The following AGAP1 variants were observed in gnomAD, a reference collection of about 807,000 sequenced individuals.
The protein encoded by AGAP1 is arf-GAP with GTPase, ANK repeat and PH domain-containing protein 1.
A neutral mutation model predicts 105.3 loss-of-function variants in AGAP1; 29 were observed. The ratio of observed to expected loss-of-function variants is 0.28; its 90% confidence interval spans 0.21 to 0.38. The LOEUF is 0.38. AGAP1 is among the 10% of genes least tolerant of loss of function. The probability of loss-of-function intolerance (pLI) is 1.00; values close to 1 mark genes in which losing one functional copy is unlikely to be tolerated. For missense variants in AGAP1, 998 were observed against 1,165.1 expected (o/e 0.86, Z 2.09); for synonymous variants, 509 against 485.9 (o/e 1.05, Z -0.63).
chr2:235,634,849 C>T (rs1946940836), intron 1 of AGAP1, among the ~76,000 whole-genome samples: 1 of 152,082 alleles, frequency 6.6e-6, no homozygotes, highest in Non-Finnish European at 1.5e-5. Context: ...ACGAAGGAGG[C>T]TCTGTTTTGT....
intron 1 of AGAP1, among the ~76,000 whole-genome samples, chr2:235,616,785 A>G (rs1329896387): frequency 6.6e-6 from 1 of 152,188 alleles, no homozygotes; most frequent in Non-Finnish European, 1.5e-5. Context: ...AATAGTGAAA[A>G]CAAAATTCTG....
rs2058747550 is a variant in AGAP1, at chr2:236,080,277, G to T, written c.2114+30996G>T. Among the ~76,000 whole-genome samples the T allele has an allele frequency of 6.6e-6, 1 of 152,242 alleles. No individual in the cohort carries two copies. The highest frequency in any genetic ancestry group is 6.5e-5 in the Admixed American group (1 of 15,288). ...CTGCTGGAAAGACACAGGGAAAGGA[G>T]AGAGAAGAATTGTTACCCGGCAAAG... On this transcript the variant is annotated intron_variant, in intron 16 of 17. Coordinates refer to ENST00000304032, the MANE Select transcript of AGAP1 (RefSeq NM_001037131.3). This position sits in a 1 kb window ranked among gnomAD's most constrained non-coding sequence, Gnocchi z 4.2.
intron 2 of AGAP1, among the ~76,000 whole-genome samples, chr2:235,709,849 GATGGAAGGAAGGGGCAAGTCTAACTTT>G (rs1341868177): frequency 6.6e-6 from 1 of 152,158 alleles, no homozygotes; most frequent in Non-Finnish European, 1.5e-5. Context: ...TCTACCGTAG[GATGGAAGGAAGGGGCAAGTCTAACTTT>G]GAAACAACCA....
chr2:235,814,304 A>G (rs1230226127), intron 9 of AGAP1, among the ~76,000 whole-genome samples: 3 of 152,220 alleles, frequency 2.0e-5, no homozygotes, highest in Admixed American at 1.3e-4. Flanking sequence ...TGTTTCAGCA[A>G]AATAGTGCTT....
At chr2:235,833,713 C>G (rs1435524197) in intron 9 of AGAP1, among the ~76,000 whole-genome samples, 1 of 152,050 alleles carries the variant, frequency 6.6e-6, no homozygotes, top group Non-Finnish European at 1.5e-5. Context: ...AGATATTTAT[C>G]AAATGGGATC....
rs746523053 is a variant in AGAP1 at position 235,930,852 on chromosome 2, G to A, written c.1412G>A (p.Arg471His). Residue 471 changes from arginine to histidine, a missense_variant, in exon 12 of 18, where the codon CGC (arginine) becomes CAC (histidine). By Grantham distance (29) the Arg-to-His change is conservative. Transcript: ENST00000304032. This position sits in a 1 kb window ranked among gnomAD's most constrained non-coding sequence, Gnocchi z 7.9. ...AGCCGACCCGACGGCATGCACCAGC[G>A]CTCCTACTCAGTCTCCAGTGCCGAC... Reference protein sequence around the residue: ...FNSRPDGMHQRSYSVSSADQW... With the variant: ...FNSRPDGMHQHSYSVSSADQW... 7.4e-6 allele frequency: 12 copies of A among 1,614,034 alleles called. No individual in the cohort carries two copies. Among genetic ancestry groups the A allele is most frequent in the Admixed American group, 6.7e-5 (4 of 60,000 alleles).
chr2:235,607,085 C>A (rs1559285064), intron 1 of AGAP1, among the ~76,000 whole-genome samples: 1 of 152,080 alleles, frequency 6.6e-6, no homozygotes, highest in Non-Finnish European at 1.5e-5. Flanking sequence ...TTACATCCCA[C>A]TGACAAAAAT....
intron 11 of AGAP1, among the ~76,000 whole-genome samples, chr2:235,917,838 C>T (rs568363555): frequency 2.0e-5 from 3 of 152,164 alleles, no homozygotes; most frequent in Non-Finnish European, 2.9e-5. Flanking sequence ...GATACATTAT[C>T]CCCGTTGTGT....
chr2:235,585,978 G>A (rs1236513228), intron 1 of AGAP1, among the ~76,000 whole-genome samples: 1 of 152,164 alleles, frequency 6.6e-6, no homozygotes, highest in Non-Finnish European at 1.5e-5. Context: ...TCAGGTTTCA[G>A]GGTTGCAGCT....
Position 235,589,887 on chromosome 2 carries a change from C to CT in AGAP1, c.163+95049dup, listed in dbSNP as rs984989659. On this transcript the variant is annotated intron_variant, in intron 1 of 17. Coordinates refer to ENST00000304032, the MANE Select transcript of AGAP1 (RefSeq NM_001037131.3). ...TGGGAATGAGTAGGAAGTTATTTTC[C>CT]TTTTTTTTTTTGAGATGGTATCTCG... is the stretch of plus-strand genomic sequence containing the variant. 2.8e-3 allele frequency among the ~76,000 whole-genome samples: 409 copies of CT among 145,094 alleles called. 2 individuals are homozygous for CT. Among genetic ancestry groups the CT allele is most frequent in the African/African-American group, 6.7e-3 (265 of 39,750 alleles).
rs1574981605 is a variant in AGAP1 at position 235,622,048 on chromosome 2, C to T, written c.164-87131C>T. Among the ~76,000 whole-genome samples, 1 of 152,212 alleles carries T rather than the reference C, an allele frequency of 6.6e-6. No homozygotes were observed. ...TCAGCTTGCTACTGTCCAACCTAAGCTCATATTCAACACTTTAGAATGCCT... is the reference window on the plus strand; with the variant it reads ...TCAGCTTGCTACTGTCCAACCTAAGTTCATATTCAACACTTTAGAATGCCT... On this transcript the variant is annotated intron_variant, in intron 1 of 17. Transcript: ENST00000304032. This position sits in a 1 kb window ranked among gnomAD's most constrained non-coding sequence, Gnocchi z 5.0.
chr2:235,995,916 G>A (rs2055792487), intron 13 of AGAP1, among the ~76,000 whole-genome samples: 1 of 152,138 alleles, frequency 6.6e-6, no homozygotes, highest in Non-Finnish European at 1.5e-5. Flanking sequence ...TGGGTTTGGA[G>A]GTCACTGTGC....
intron 16 of AGAP1, among the ~76,000 whole-genome samples, chr2:236,099,279 C>T (rs916041803): frequency 1.9e-4 from 29 of 151,950 alleles, no homozygotes; most frequent in African/African-American, 7.0e-4. Context: ...GGTGAAACCC[C>T]ATCTCTACTA....
intron 1 of AGAP1, among the ~76,000 whole-genome samples, chr2:235,503,673 G>T (rs559344226): frequency 6.6e-6 from 1 of 152,224 alleles, no homozygotes; most frequent in South Asian, 2.1e-4. Flanking sequence ...GGGCTCATTT[G>T]TAGCCTCAAC....
intron 1 of AGAP1, among the ~76,000 whole-genome samples, chr2:235,597,629 G>A (rs1251829209): frequency 6.6e-6 from 1 of 152,120 alleles, no homozygotes; most frequent in South Asian, 2.1e-4. Context: ...GCACGCCCTC[G>A]AATGACATGG....
rs971267633 is a variant in AGAP1, at chr2:235,705,258, C to T, written c.164-3921C>T. Among the ~76,000 whole-genome samples the T allele has an allele frequency of 6.6e-6, 1 of 152,152 alleles. No individual in the cohort carries two copies. The highest frequency in any genetic ancestry group is 1.5e-5 in the Non-Finnish European group (1 of 68,028). ...CCTCCTAAAGTGTTGGGATTACAGG[C>T]GTGAGCCACCACGCCTGGCCCAGAC... is the stretch of plus-strand genomic sequence containing the variant. On this transcript the variant is annotated intron_variant, in intron 1 of 17. Transcript: ENST00000304032. The surrounding 1 kb of genome is among the most constrained non-coding windows in gnomAD (Gnocchi z 4.9).
chr2:235,524,120 GA>G (rs1942736607), intron 1 of AGAP1, among the ~76,000 whole-genome samples: 2 of 152,318 alleles, frequency 1.3e-5, no homozygotes, highest in South Asian at 4.1e-4. Flanking sequence ...CGCTCCATCG[GA>G]AATGCTGATG....
intron 1 of AGAP1, among the ~76,000 whole-genome samples, chr2:235,496,277 C>A (rs1941315818): frequency 1.3e-5 from 2 of 152,172 alleles, no homozygotes. Context: ...GGTCCTAGCC[C>A]TTTGTGTGTA....
At chr2:235,791,585 G>T (rs1956980178) in intron 6 of AGAP1, among the ~76,000 whole-genome samples, 2 of 152,018 alleles carry the variant, frequency 1.3e-5, no homozygotes, top group Non-Finnish European at 2.9e-5. Flanking sequence ...TCTTTGGCCA[G>T]ACTGGAGTAC....
Sources: gnomAD v4.1 joint callset for allele counts (sites outside exome capture counted in the v4.1 genomes callset) on GRCh38, gnomAD v4.1.1 for gene constraint, Gnocchi (gnomAD v3.1) non-coding constraint, MANE v1.5 for transcripts, NCBI Gene and HGNC (gene_info 2026-07-23, HGNC 2026-07-21) for gene names.